RASGRP3: variants seen among roughly 807,000 people sequenced by gnomAD.
RASGRP3 encodes ras guanyl-releasing protein 3.
A neutral mutation model predicts 82.7 loss-of-function variants in RASGRP3; 54 were observed. The observed-to-expected ratio is 0.65, with a 90% confidence interval of 0.52 to 0.82. The LOEUF is 0.82. RASGRP3 is among the 40% of genes least tolerant of loss of function. The pLI is 0.00. For synonymous variants in RASGRP3, 309 were observed against 300.5 expected (o/e 1.03, Z -0.29); for missense variants, 861 against 828.9 (o/e 1.04, Z -0.48).
At chr2:33,501,568 C>G (rs1388782788) in intron 1 of RASGRP3, among the ~76,000 whole-genome samples, 1 of 152,192 alleles carries the variant, frequency 6.6e-6, no homozygotes, top group East Asian at 1.9e-4. Context: ...TAAAACTTGT[C>G]CAAAGTCACA....
Sources: gnomAD v4.1 joint callset for allele counts (sites outside exome capture counted in the v4.1 genomes callset) on GRCh38, gnomAD v4.1.1 for gene constraint, MANE v1.5 for transcripts, NCBI Gene and HGNC (gene_info 2026-07-23, HGNC 2026-07-21) for gene names.